The following RAD51B variants were observed in gnomAD, a reference collection of about 807,000 sequenced individuals.
The protein encoded by RAD51B is DNA repair protein RAD51 homolog 2.
A neutral mutation model predicts 42.2 loss-of-function variants in RAD51B; 38 were observed. That is an observed-to-expected ratio of 0.90 (90% confidence interval 0.70 to 1.18). The LOEUF is 1.18. RAD51B is among the 50% of genes most tolerant of loss of function. RAD51B has a pLI of 0.00. For synonymous variants in RAD51B, 154 were observed against 145.2 expected (o/e 1.06, Z -0.43); for missense variants, 373 against 400.7 (o/e 0.93, Z 0.59).
chr14:68,197,626 T>C (rs1170902798), intron 7 of RAD51B, among the ~76,000 whole-genome samples: 2 of 152,134 alleles, frequency 1.3e-5, no homozygotes, highest in African/African-American at 4.8e-5. Context: ...TATAAAATAA[T>C]TATGTTTGTT....
intron 7 of RAD51B, among the ~76,000 whole-genome samples, chr14:67,922,687 CTT>C (rs34206440): frequency 2.3e-5 from 3 of 132,496 alleles, no homozygotes; most frequent in Non-Finnish European, 3.2e-5. Context: ...AATATGTAGT[CTT>C]TTTTTTTTTT....
At chr14:68,009,392 A>G (rs1482976119) in intron 7 of RAD51B, among the ~76,000 whole-genome samples, 6 of 151,970 alleles carry the variant, frequency 3.9e-5, no homozygotes, top group Non-Finnish European at 8.8e-5. Flanking sequence ...TAAAGTAGAA[A>G]TAACAGCACT....
intron 8 of RAD51B, among the ~76,000 whole-genome samples, chr14:68,382,031 A>T (rs2083488819): frequency 1.3e-5 from 2 of 152,246 alleles, no homozygotes; most frequent in African/African-American, 4.8e-5. Context: ...AGGGGGATGG[A>T]TATGTAGAGA....
chr14:67,988,236 G>A (rs1162087410), intron 7 of RAD51B, among the ~76,000 whole-genome samples: 5 of 152,024 alleles, frequency 3.3e-5, no homozygotes, highest in Non-Finnish European at 5.9e-5. Flanking sequence ...CAAGGCGAGC[G>A]GATCATGAGG....
chr14:68,656,424 C>T (rs76875738), intron 11 of RAD51B, among the ~76,000 whole-genome samples: 2,455 of 144,346 alleles, frequency 0.017, 56 homozygotes, highest in African/African-American at 0.06. Flanking sequence ...CCCCTTTTCT[C>T]AATGGGGTAA....
intron 10 of RAD51B, among the ~76,000 whole-genome samples, chr14:68,499,164 A>C (rs749629818): frequency 6.6e-6 from 1 of 152,172 alleles, no homozygotes; most frequent in East Asian, 1.9e-4. Context: ...GAGTTTTTGC[A>C]CTCGTAAGCC....
At chr14:67,873,545 C>T (rs1023800131) in intron 5 of RAD51B, among the ~76,000 whole-genome samples, 16 of 151,764 alleles carry the variant, frequency 1.1e-4, no homozygotes, top group African/African-American at 2.9e-4. Context: ...CCTCAGGGAT[C>T]TAGAACTAGA....
At chr14:68,024,097 A>C (rs1344484344) in intron 7 of RAD51B, among the ~76,000 whole-genome samples, 1 of 152,112 alleles carries the variant, frequency 6.6e-6, no homozygotes, top group Non-Finnish European at 1.5e-5. Context: ...CATTTATTGA[A>C]TAGGGAGTTC....
intron 7 of RAD51B, among the ~76,000 whole-genome samples, chr14:68,177,663 G>GTT (rs1030092804): frequency 6.8e-6 from 1 of 146,618 alleles, no homozygotes; most frequent in African/African-American, 2.5e-5. Flanking sequence ...AAGCAATTAA[G>GTT]TTTTTTTTTT....
chr14:68,185,190 A>G (rs2079133581), intron 7 of RAD51B, among the ~76,000 whole-genome samples: 1 of 152,240 alleles, frequency 6.6e-6, no homozygotes, highest in Non-Finnish European at 1.5e-5. Context: ...CAGCCCCACT[A>G]CCTCATAGGG....
intron 10 of RAD51B, among the ~76,000 whole-genome samples, chr14:68,634,850 T>G (rs1276936073): frequency 6.6e-6 from 1 of 151,646 alleles, no homozygotes; most frequent in East Asian, 1.9e-4. Flanking sequence ...ATGGACAGAG[T>G]ATGAGGGAGG....
intron 8 of RAD51B, among the ~76,000 whole-genome samples, chr14:68,410,940 A>ATG (rs2084401047): frequency 7.3e-6 from 1 of 136,868 alleles, no homozygotes; most frequent in South Asian, 2.3e-4. Flanking sequence ...CGTTGTGTAT[A>ATG]CGGGGGGGTG....
intron 7 of RAD51B, among the ~76,000 whole-genome samples, chr14:67,888,929 A>T (rs2140059658): frequency 6.6e-6 from 1 of 152,238 alleles, no homozygotes; most frequent in Non-Finnish European, 1.5e-5. Flanking sequence ...TGCTTGACTT[A>T]ATTCCGTGCA....
rs1403093174 is a variant in RAD51B, at chr14:67,998,704, C to G, written c.756+111500C>G. ...ACCACTACTCTGGAGCTAGTTCAGCCTTACTACTAGGATGTAACCCTTCTG... is the reference window on the plus strand; with the variant it reads ...ACCACTACTCTGGAGCTAGTTCAGCGTTACTACTAGGATGTAACCCTTCTG... On this transcript the variant is annotated intron_variant, in intron 7 of 10. Coordinates refer to ENST00000471583, the MANE Select transcript of RAD51B (RefSeq NM_133510.4). 2.0e-5 allele frequency among the ~76,000 whole-genome samples: 3 copies of G among 152,168 alleles called. No homozygotes were observed. The East Asian group carries it at 5.8e-4, about 29-fold the overall frequency.
intron 9 of RAD51B, among the ~76,000 whole-genome samples, chr14:68,439,529 G>A (rs1401213495): frequency 6.6e-6 from 1 of 152,158 alleles, no homozygotes; most frequent in Non-Finnish European, 1.5e-5. Flanking sequence ...AAGCACCCTG[G>A]TTGGTACATG....
At chr14:68,387,893 G>GA (rs2083635198) in intron 8 of RAD51B, among the ~76,000 whole-genome samples, 2 of 151,682 alleles carry the variant, frequency 1.3e-5, no homozygotes, top group African/African-American at 4.8e-5. Context: ...CAGTATGAGG[G>GA]AAAAAAACAT....
At chr14:68,224,643 A>G (rs2079998824) in intron 7 of RAD51B, among the ~76,000 whole-genome samples, 1 of 152,182 alleles carries the variant, frequency 6.6e-6, no homozygotes, top group Non-Finnish European at 1.5e-5. Context: ...TGCTAATTTT[A>G]TAATACAGTA....
chr14:68,477,509 C>A, intron 10 of RAD51B, 139 bp from the exon 11 acceptor site: 1 of 1,038,076 alleles, frequency 9.6e-7, no homozygotes, highest in Non-Finnish European at 1.4e-6. Context: ...GTTTGCAAGG[C>A]CAGTGGCTCT....
At chr14:68,371,152 T>C (rs1291433107) in intron 8 of RAD51B, among the ~76,000 whole-genome samples, 1 of 152,096 alleles carries the variant, frequency 6.6e-6, no homozygotes, top group Non-Finnish European at 1.5e-5. Context: ...CCTAGAGTTA[T>C]TTAGGCCAAA....
Sources: allele counts gnomAD v4.1 joint callset (sites outside exome capture counted in the v4.1 genomes callset), GRCh38; gene constraint gnomAD v4.1.1; transcripts MANE v1.5; gene names NCBI Gene and HGNC (gene_info 2026-07-23, HGNC 2026-07-21).